Variants in ARHGEF26 observed in about 807,000 individuals in gnomAD.
The protein encoded by ARHGEF26 is Rho guanine nucleotide exchange factor (GEF) 26.
A neutral mutation model predicts 89.4 loss-of-function variants in ARHGEF26; 59 were observed. The observed-to-expected ratio is 0.66, with a 90% CI of 0.54 to 0.82. ARHGEF26 has a LOEUF of 0.82. Ranked by LOEUF, ARHGEF26 falls within the 40% of genes least tolerant of loss-of-function variation. The probability of loss-of-function intolerance (pLI) is 0.00; values close to 1 mark genes in which losing one functional copy is unlikely to be tolerated. For synonymous variants in ARHGEF26, 500 were observed against 428.4 expected, an observed-to-expected ratio of 1.17 and a Z score of -2.06; for missense variants, 1,234 against 1,085.6, an observed-to-expected ratio of 1.14 and a Z score of -1.92.
chr3:154,200,546 CT>C, intron 9 of ARHGEF26, among the ~76,000 whole-genome samples: 1 of 151,810 alleles, frequency 6.6e-6, no homozygotes, highest in Non-Finnish European at 1.5e-5. Context: ...TATTCTGGGT[CT>C]TTTGTGGTTT....
intron 12 of ARHGEF26, among the ~76,000 whole-genome samples, chr3:154,241,765 G>A (rs916114439): frequency 6.6e-6 from 1 of 152,168 alleles, no homozygotes; most frequent in Admixed American, 6.5e-5. Flanking sequence ...GGGCTATTCT[G>A]GCTAAACTAA....
chr3:154,190,286 T>G (rs1713875425), intron 7 of ARHGEF26, among the ~76,000 whole-genome samples: 1 of 152,116 alleles, frequency 6.6e-6, no homozygotes. Flanking sequence ...CCGAGGCAGG[T>G]GGATTACTTG....
intron 9 of ARHGEF26, 22 bp downstream of exon 9, chr3:154,194,740 G>A (rs761659845): frequency 1.3e-6 from 2 of 1,596,988 alleles, no homozygotes; most frequent in East Asian, 4.5e-5. Context: ...GTGACAGTTT[G>A]TTTGTAAGAC....
intron 10 of ARHGEF26, among the ~76,000 whole-genome samples, chr3:154,222,464 G>A (rs775553989): frequency 3.9e-5 from 6 of 152,096 alleles, no homozygotes; most frequent in South Asian, 2.1e-4. Context: ...TACAACCTTG[G>A]GCATCACTTA....
At chr3:154,183,282 T>G (rs1374230229) in intron 6 of ARHGEF26, among the ~76,000 whole-genome samples, 1 of 152,148 alleles carries the variant, frequency 6.6e-6, no homozygotes, top group African/African-American at 2.4e-5. Context: ...GTGGTGAGAT[T>G]GGAAATGCTT....
chr3:154,249,520 C>T (rs1426064283), intron 12 of ARHGEF26, among the ~76,000 whole-genome samples: 4 of 152,108 alleles, frequency 2.6e-5, no homozygotes, highest in East Asian at 1.9e-4. Context: ...TCTTTCTCTA[C>T]GTAGGTCAAA....
At chr3:154,121,763 G>C (rs954595117) in intron 1 of ARHGEF26, among the ~76,000 whole-genome samples, 179 bp from the exon 2 acceptor site, 2 of 152,182 alleles carry the variant, frequency 1.3e-5, no homozygotes, top group African/African-American at 4.8e-5. Context: ...CGGCAGCCCA[G>C]ATTTCTGCCG....
At chr3:154,218,093 A>C in intron 10 of ARHGEF26, 135 bp downstream of exon 10, 3 of 761,706 alleles carry the variant, frequency 3.9e-6, no homozygotes, top group Non-Finnish European at 6.3e-6. Context: ...GGAGTAGCAG[A>C]TGCTTCAGGC....
intron 4 of ARHGEF26, among the ~76,000 whole-genome samples, chr3:154,145,733 T>C (rs1469713355): frequency 2.6e-5 from 4 of 152,152 alleles, no homozygotes; most frequent in African/African-American, 9.7e-5. Context: ...GATTATCTGA[T>C]CAGCCAAGAG....
intron 4 of ARHGEF26, among the ~76,000 whole-genome samples, chr3:154,149,027 G>A (rs933036792): frequency 1.3e-5 from 2 of 152,154 alleles, no homozygotes; most frequent in Non-Finnish European, 2.9e-5. Context: ...GAGCCCTGGA[G>A]TTGGACTGGC....
At chr3:154,141,935 C>G (rs1719409376) in intron 4 of ARHGEF26, among the ~76,000 whole-genome samples, 2 of 152,164 alleles carry the variant, frequency 1.3e-5, no homozygotes, top group South Asian at 4.1e-4. Context: ...TTCCACTGCA[C>G]TGTAGTGAAT....
chr3:154,153,107 T>C (rs912103165), intron 6 of ARHGEF26, among the ~76,000 whole-genome samples, 175 bp downstream of exon 6: 1 of 152,204 alleles, frequency 6.6e-6, no homozygotes. Flanking sequence ...AGACAGATGC[T>C]CAGTGTGTAA....
chr3:154,186,136 G>GAGACACACACACAC (rs71152790), intron 6 of ARHGEF26, among the ~76,000 whole-genome samples: 1 of 146,930 alleles, frequency 6.8e-6, no homozygotes. Context: ...CACACACTTA[G>GAGACACACACACAC]ACACACACAC....
intron 6 of ARHGEF26, among the ~76,000 whole-genome samples, chr3:154,180,961 T>A (rs567599389): frequency 6.6e-6 from 1 of 152,266 alleles, no homozygotes; most frequent in South Asian, 2.1e-4. Flanking sequence ...CTGATTTTGA[T>A]GTATTGTTAA....
intron 6 of ARHGEF26, among the ~76,000 whole-genome samples, chr3:154,159,284 TTC>T (rs1377475842): frequency 6.6e-6 from 1 of 152,128 alleles, no homozygotes; most frequent in Non-Finnish European, 1.5e-5. Context: ...AGGTACTTGT[TTC>T]TCTTTTTCCA....
chr3:154,164,725 G>A (rs1187148589), intron 6 of ARHGEF26, among the ~76,000 whole-genome samples: 1 of 152,112 alleles, frequency 6.6e-6, no homozygotes, highest in East Asian at 1.9e-4. Context: ...TGCTGAAGTT[G>A]TCCTGTGATG....
chr3:154,225,964 TA>T lies in ARHGEF26; in HGVS notation c.2045del (p.Tyr682SerfsTer27), dbSNP rs1716460072. ...FSRRTSKQQV[Y>X]FFLFNDVLII... Reference sequence around the variant, plus strand: ...AAGAAGGACATCCAAACAGCAAGTCTACTTCTTTCTCTTTAACGATGTGCTC... The same window carrying T: ...AAGAAGGACATCCAAACAGCAAGTCTCTTCTTTCTCTTTAACGATGTGCTC... On this transcript the variant is annotated frameshift_variant, in exon 11 of 15. Transcript: ENST00000465093. LOFTEE classifies it high-confidence loss of function. 6.2e-7 allele frequency: 1 copy of T among 1,613,190 alleles called. No homozygotes were observed. Among genetic ancestry groups the T allele is most frequent in the Non-Finnish European group, 8.5e-7 (1 of 1,179,568 alleles).
chr3:154,135,343 G>A (rs776525860), intron 4 of ARHGEF26, among the ~76,000 whole-genome samples: 5 of 151,964 alleles, frequency 3.3e-5, no homozygotes, highest in African/African-American at 9.7e-5. Context: ...ATTTCTTCTC[G>A]ATTTTCTACT....
At chr3:154,221,391 GT>G (rs1040115090) in intron 10 of ARHGEF26, among the ~76,000 whole-genome samples, 4 of 152,126 alleles carry the variant, frequency 2.6e-5, no homozygotes, top group African/African-American at 4.8e-5. Flanking sequence ...GGGAAAGATT[GT>G]TTTACCCCAA....
Sources: allele counts gnomAD v4.1 joint callset (sites outside exome capture counted in the v4.1 genomes callset), GRCh38; gene constraint gnomAD v4.1.1; transcripts MANE v1.5; gene names NCBI Gene and HGNC (gene_info 2026-07-23, HGNC 2026-07-21).